The following NETO1 variants were observed in gnomAD, a reference collection of about 807,000 sequenced individuals.
NETO1 encodes neuropilin and tolloid-like protein 1.
Under a neutral mutation model 61.3 loss-of-function variants are expected in NETO1, and 26 were observed. The observed-to-expected ratio is 0.42, with a 90% confidence interval of 0.31 to 0.59. The LOEUF is 0.59. Ranked by LOEUF, NETO1 falls within the 20% of genes least tolerant of loss-of-function variation. The pLI is 0.12. For synonymous variants in NETO1, 225 were observed against 225.8 expected, an observed-to-expected ratio of 1.00 and a Z score of 0.03; for missense variants, 531 against 662.8, an observed-to-expected ratio of 0.80 and a Z score of 2.18.
At chr18:72,796,158 A>G (rs1460215348) in intron 4 of NETO1, among the ~76,000 whole-genome samples, 2 of 152,218 alleles carry the variant, frequency 1.3e-5, no homozygotes, top group African/African-American at 2.4e-5. Context: ...AGTTTAGGAT[A>G]TTAAGACTAC....
intron 8 of NETO1, 62 bp downstream of exon 8, chr18:72,755,972 T>G (rs769134233): frequency 6.2e-6 from 5 of 810,870 alleles, no homozygotes; most frequent in Non-Finnish European, 1.1e-5. Context: ...TTGATACATA[T>G]AAACTTCTAC....
At chr18:72,803,212 G>A (rs11877298) in intron 4 of NETO1, among the ~76,000 whole-genome samples, 149 of 152,304 alleles carry the variant, frequency 9.8e-4, no homozygotes, top group African/African-American at 3.4e-3. Context: ...GCTTCCCAAC[G>A]CTGAGAGAAT....
At chr18:72,860,361 T>C (rs1489260859) in intron 3 of NETO1, among the ~76,000 whole-genome samples, 2 of 152,168 alleles carry the variant, frequency 1.3e-5, no homozygotes, top group African/African-American at 4.8e-5. Flanking sequence ...CATTGCTTCT[T>C]AAATATACAC....
intron 4 of NETO1, among the ~76,000 whole-genome samples, chr18:72,831,096 G>A (rs1488231785): frequency 6.6e-6 from 1 of 152,028 alleles, no homozygotes; most frequent in Non-Finnish European, 1.5e-5. Context: ...ATTTATTTCT[G>A]GCTCCTCAAA....
At chr18:72,810,442 C>T (rs751497657) in intron 4 of NETO1, among the ~76,000 whole-genome samples, 26 of 152,118 alleles carry the variant, frequency 1.7e-4, no homozygotes, top group Non-Finnish European at 2.5e-4. Context: ...GACCTAACTG[C>T]CAGGGTGCAT....
chr18:72,786,968 C>T lies in NETO1; in HGVS notation c.640-3062G>A, dbSNP rs371358928. On this transcript the variant is annotated intron_variant, in intron 6 of 10. Transcript: ENST00000327305. ...AAAGAAGAAAAAAAATAATAACTTG[C>T]TCCAGGATCATAAGTGAATTAATGT... Among the ~76,000 whole-genome samples the T allele has an allele frequency of 3.5e-3, 524 of 151,174 alleles. 3 individuals carry two copies. The highest frequency in any genetic ancestry group is 0.012 in the African/African-American group (503 of 41,248).
intron 7 of NETO1, among the ~76,000 whole-genome samples, chr18:72,764,360 A>G (rs1312225867): frequency 1.3e-5 from 2 of 152,210 alleles, no homozygotes; most frequent in Non-Finnish European, 2.9e-5. Flanking sequence ...AACATTCTAT[A>G]GTTAGGTCAT....
At chr18:72,823,089 G>A (rs148838938) in intron 4 of NETO1, among the ~76,000 whole-genome samples, 180 of 152,180 alleles carry the variant, frequency 1.2e-3, no homozygotes, top group African/African-American at 4.2e-3. Flanking sequence ...AGCCTCCCAC[G>A]TATCTCACAG....
chr18:72,794,506 AAC>A lies in NETO1; in HGVS notation c.470-104_470-103del. On this transcript the variant is annotated intron_variant, in intron 4 of 10. Transcript: ENST00000327305. Reference sequence around the variant, plus strand: ...AGTTTTCCAGAAATCTACCTTAAAAAACACATTAGGGAAAAGTAAAAAACACA... The same window carrying A: ...AGTTTTCCAGAAATCTACCTTAAAAAACATTAGGGAAAAGTAAAAAACACA... The A allele has an allele frequency of 3.5e-6, 4 of 1,136,106 alleles. No individual in the cohort carries two copies. In the South Asian group the frequency reaches 5.9e-5, roughly 17 times the overall value. 70.4% of individuals were successfully genotyped at this position (1,136,106 alleles called of 1,614,324 possible). A position where few individuals can be genotyped will look rare whatever the true frequency, so the allele number is the denominator to read the frequency against.
chr18:72,764,331 T>C lies in NETO1; in HGVS notation c.869-8184A>G, dbSNP rs1027820777. ...GCAAAGCTTAACACTTACATGAATA[T>C]GTAAATATGACACATATCAACATTC... On this transcript the variant is annotated intron_variant, in intron 7 of 10. Transcript: ENST00000327305. Among the ~76,000 whole-genome samples the C allele has an allele frequency of 5.3e-5, 8 of 152,356 alleles. No individual in the cohort carries two copies. The South Asian group carries it at 1.7e-3, about 32-fold the overall frequency.
intron 7 of NETO1, among the ~76,000 whole-genome samples, chr18:72,764,665 C>T (rs1475332119): frequency 1.3e-5 from 2 of 152,176 alleles, no homozygotes; most frequent in Admixed American, 1.3e-4. Flanking sequence ...TCCTACTTAA[C>T]GTCTCCATTT....
In NETO1 at chr18:72,852,541, C is replaced by A. The variant is rs186967226; in HGVS notation, c.469+6285G>T. On this transcript the variant is annotated intron_variant, in intron 4 of 10. Transcript: ENST00000327305. ...GAAGACACTCTTTCTTTATGGGAAA[C>A]TTCTTAAAAATCTTCCTTTTCCTTT... Among the ~76,000 whole-genome samples, 240 of 152,198 alleles carry A rather than the reference C, an allele frequency of 1.6e-3. 1 individual carries two copies. In the South Asian group the frequency reaches 0.016, roughly 10 times the overall value.
chr18:72,851,336 G>A lies in NETO1; in HGVS notation c.469+7490C>T, dbSNP rs140030213. On this transcript the variant is annotated intron_variant, in intron 4 of 10. Transcript: ENST00000327305. ...TGAGGCAGGAGAATTATGTGAACCC[G>A]GGAGAAGGAGGTTGTGGTGAGCTGA... Among the ~76,000 whole-genome samples, 915 of 152,122 alleles carry A rather than the reference G, an allele frequency of 6.0e-3. 12 individuals are homozygous for A. The highest frequency in any genetic ancestry group is 0.021 in the African/African-American group (858 of 41,446).
intron 4 of NETO1, among the ~76,000 whole-genome samples, chr18:72,826,036 T>C (rs894578046): frequency 6.6e-6 from 1 of 152,198 alleles, no homozygotes; most frequent in Non-Finnish European, 1.5e-5. Context: ...ATTCATTATC[T>C]TTTTGAAGTC....
In NETO1 at chr18:72,864,294, C is replaced by T. The variant is rs1452972689; in HGVS notation, c.220+514G>A. Among the ~76,000 whole-genome samples, 3 of 152,254 alleles carry T rather than the reference C, an allele frequency of 2.0e-5. No homozygotes were observed. The East Asian group carries it at 5.8e-4, about 29-fold the overall frequency. On this transcript the variant is annotated intron_variant, in intron 3 of 10. Transcript: ENST00000327305. ...AAGGGTCATAATTTACAATCCTGAC[C>T]TTGACTTCAAAATGAGATGTCACTT...
At chr18:72,781,782 T>C (rs1438671934) in intron 7 of NETO1, among the ~76,000 whole-genome samples, 3 of 152,240 alleles carry the variant, frequency 2.0e-5, no homozygotes, top group Admixed American at 6.5e-5. Flanking sequence ...TTGTATTGTC[T>C]TTTCTAAGAA....
intron 4 of NETO1, among the ~76,000 whole-genome samples, chr18:72,851,271 C>T (rs767719642): frequency 1.6e-4 from 24 of 152,134 alleles, no homozygotes; most frequent in African/African-American, 4.8e-4. Flanking sequence ...ATTAGCCTGG[C>T]GTGGTGGCGC....
At position 72,794,196 on chromosome 18, in the gene NETO1, T is replaced by C. The variant is rs760357400; in HGVS notation, c.560A>G (p.Gln187Arg). ...AGTAGCTTTGCCTTCCTTCATAATT[T>C]GTATAGACTCCACAATTCCTTCGGA... ...GGSEGIVESI[Q>R]IMKEGKATAS... Residue 187 changes from glutamine (Q) to arginine (R), a missense_variant, in exon 6 of 11, where the codon CAA becomes CGA. Transcript: ENST00000327305. 1 of 1,614,184 alleles carries C rather than the reference T, an allele frequency of 6.2e-7. No homozygotes were observed. Among genetic ancestry groups the C allele is most frequent in the Non-Finnish European group, 8.5e-7 (1 of 1,180,032 alleles).
intron 4 of NETO1, among the ~76,000 whole-genome samples, chr18:72,848,535 A>G (rs2145556478): frequency 6.6e-6 from 1 of 152,316 alleles, no homozygotes; most frequent in South Asian, 2.1e-4. Context: ...AATAACATCT[A>G]TGGATATTCC....
Sources: gnomAD v4.1 joint callset for allele counts (sites outside exome capture counted in the v4.1 genomes callset) on GRCh38, gnomAD v4.1.1 for gene constraint, MANE v1.5 for transcripts, NCBI Gene and HGNC (gene_info 2026-07-23, HGNC 2026-07-21) for gene names.